TMEM17: variants seen among roughly 807,000 people sequenced by gnomAD.
The protein encoded by TMEM17 is transmembrane protein 17.
Under a neutral mutation model 19.1 loss-of-function variants are expected in TMEM17, and 15 were observed. The observed-to-expected ratio is 0.78, with a 90% CI of 0.52 to 1.21. The LOEUF (loss-of-function observed/expected upper bound fraction) is 1.21. Among genes scored for constraint, TMEM17 ranks in the 50% most tolerant of loss-of-function variants. The probability of loss-of-function intolerance (pLI) is 0.00; values close to 1 mark genes in which losing one functional copy is unlikely to be tolerated. For missense variants in TMEM17, 245 were observed against 242.3 expected (o/e 1.01, Z -0.07); for synonymous variants, 103 against 86.9 (o/e 1.19, Z -1.03).
intron 2 of TMEM17, 37 bp downstream of exon 2, chr2:62,502,654 A>T: frequency 6.6e-7 from 1 of 1,516,800 alleles, no homozygotes; most frequent in South Asian, 1.2e-5. Context: ...CACTCTAACA[A>T]CGTCAGGGCA....
At chr2:62,480,927 G>C in the TMEM17 span, among the ~76,000 whole-genome samples, 7 of 131,148 alleles carry the variant, frequency 5.3e-5, no homozygotes, top group Non-Finnish European at 1.2e-4. Flanking sequence ...CAAATTGTAA[G>C]ATTTTTTTTT....
the TMEM17 span, among the ~76,000 whole-genome samples, chr2:62,490,330 C>T: frequency 7.2e-5 from 11 of 152,236 alleles, no homozygotes; most frequent in East Asian, 2.1e-3. Context: ...GTGGCACAAT[C>T]CTGGCTGACC....
At chr2:62,459,511 A>G in the TMEM17 span, among the ~76,000 whole-genome samples, 1 of 152,224 alleles carries the variant, frequency 6.6e-6, no homozygotes, top group Non-Finnish European at 1.5e-5. Context: ...AATTTTCATT[A>G]ACTCACTTTC....
At chr2:62,457,507 GAGA>G in the TMEM17 span, among the ~76,000 whole-genome samples, 8 of 152,122 alleles carry the variant, frequency 5.3e-5, no homozygotes, top group Admixed American at 4.6e-4. This position sits in a 1 kb window ranked among gnomAD's most constrained non-coding sequence, Gnocchi z 4.2. Flanking sequence ...CGAAAGCTCT[GAGA>G]AGGACATCCC....
the TMEM17 span, among the ~76,000 whole-genome samples, chr2:62,466,463 T>C: frequency 6.6e-6 from 1 of 152,308 alleles, no homozygotes; most frequent in African/African-American, 2.4e-5. Flanking sequence ...CCAAATGCGA[T>C]GTGAGTGTGA....
chr2:62,486,563 G>C, the TMEM17 span, among the ~76,000 whole-genome samples: 1 of 152,116 alleles, frequency 6.6e-6, no homozygotes, highest in East Asian at 1.9e-4. Flanking sequence ...GGTGTTCCTG[G>C]GCATTTGGCC....
At position 62,501,076 on chromosome 2, in the gene TMEM17, A is replaced by G; in HGVS notation, c.*133T>C. The G allele has an allele frequency of 1.9e-6, 2 of 1,035,982 alleles. No individual in the cohort carries two copies. The highest frequency in any genetic ancestry group is 2.8e-6 in the Non-Finnish European group (2 of 717,484). The allele number at this position is 1,035,982 out of a possible 1,614,324, so 64.2% of individuals were successfully genotyped here. A position where few individuals can be genotyped will look rare whatever the true frequency, so the allele number is the denominator to read the frequency against. The stretch of plus-strand genomic sequence containing the variant: ...GTACAAAGTTTCATCATTGCCCCCA[A>G]CCTTGGAATTTCAGAGTGAGAGCAT... On this transcript the variant is annotated 3_prime_UTR_variant, in exon 4 of 4. Coordinates refer to ENST00000335390, the MANE Select transcript of TMEM17 (RefSeq NM_198276.3).
the TMEM17 span, chr2:62,491,461 C>T: frequency 1.3e-5 from 2 of 152,734 alleles, no homozygotes; most frequent in Admixed American, 1.3e-4. Flanking sequence ...TAGCGAGACC[C>T]TGTCTCTATT....
chr2:62,504,490 T>C (rs1469099825), intron 1 of TMEM17, among the ~76,000 whole-genome samples: 1 of 152,168 alleles, frequency 6.6e-6, no homozygotes, highest in Non-Finnish European at 1.5e-5. Context: ...CAAAGAATGG[T>C]TTTCATGTTA....
At chr2:62,460,334 T>C in the TMEM17 span, among the ~76,000 whole-genome samples, 2 of 152,210 alleles carry the variant, frequency 1.3e-5, no homozygotes, top group Non-Finnish European at 1.5e-5. Flanking sequence ...TGAGCCATCA[T>C]AGGGAGCCAT....
chr2:62,471,660 G>A, the TMEM17 span, among the ~76,000 whole-genome samples: 1 of 152,248 alleles, frequency 6.6e-6, no homozygotes, highest in African/African-American at 2.4e-5. Flanking sequence ...GAGTGCTGGG[G>A]AGGGGGAGGA....
intron 3 of TMEM17, chr2:62,502,208 T>C (rs1236267292): frequency 6.5e-6 from 2 of 309,868 alleles, no homozygotes; most frequent in African/African-American, 4.2e-5. Flanking sequence ...ATCATTTCAC[T>C]TAATCACAAC....
chr2:62,491,090 A>C, the TMEM17 span: 1 of 150,634 alleles, frequency 6.6e-6, no homozygotes, highest in Non-Finnish European at 1.5e-5. Context: ...AAAAAAAAAA[A>C]AAAAAAAAAA....
At chr2:62,478,443 C>T in the TMEM17 span, among the ~76,000 whole-genome samples, 1 of 152,228 alleles carries the variant, frequency 6.6e-6, no homozygotes, top group African/African-American at 2.4e-5. Flanking sequence ...GAGACCCAGC[C>T]CAAGCTCTGC....
chr2:62,502,903 C>A (rs1022968788), intron 1 of TMEM17, 109 bp from the exon 2 acceptor site: 12 of 527,944 alleles, frequency 2.3e-5, no homozygotes, highest in Non-Finnish European at 3.4e-5. Flanking sequence ...CAGTAAAACA[C>A]CAAATTTTAT....
At chr2:62,494,969 C>G in the TMEM17 span, among the ~76,000 whole-genome samples, 1 of 152,126 alleles carries the variant, frequency 6.6e-6, no homozygotes. Context: ...GAGCCAAGAT[C>G]GTGCCACTGC....
the TMEM17 span, among the ~76,000 whole-genome samples, chr2:62,484,897 G>A: frequency 6.6e-6 from 1 of 152,184 alleles, no homozygotes; most frequent in African/African-American, 2.4e-5. Flanking sequence ...CAAGCAGAAT[G>A]AGATATAAAT....
At chr2:62,481,533 G>A in the TMEM17 span, among the ~76,000 whole-genome samples, 3 of 152,044 alleles carry the variant, frequency 2.0e-5, no homozygotes, top group South Asian at 2.1e-4. Context: ...AAAACTTGCC[G>A]CTATTCCTGG....
chr2:62,474,813 T>C, the TMEM17 span, among the ~76,000 whole-genome samples: 1 of 152,200 alleles, frequency 6.6e-6, no homozygotes, highest in Non-Finnish European at 1.5e-5. Context: ...TCTCTGACTG[T>C]TGGAATCTGT....
Sources: gnomAD v4.1 joint callset for allele counts (sites outside exome capture counted in the v4.1 genomes callset) on GRCh38, gnomAD v4.1.1 for gene constraint, Gnocchi (gnomAD v3.1) non-coding constraint, MANE v1.5 for transcripts, NCBI Gene and HGNC (gene_info 2026-07-23, HGNC 2026-07-21) for gene names.